KMO: variants seen among roughly 807,000 people sequenced by gnomAD.
The protein encoded by KMO is kynurenine 3-hydroxylase.
A neutral mutation model predicts 57.8 loss-of-function variants in KMO; 24 were observed. The ratio of observed to expected loss-of-function variants is 0.42; its 90% CI spans 0.30 to 0.58. The LOEUF (loss-of-function observed/expected upper bound fraction) is 0.58, where lower values mean the gene tolerates loss of function less well. KMO is among the 20% of genes least tolerant of loss of function. KMO has a pLI of 0.22. For synonymous variants in KMO, 210 were observed against 193.6 expected, an observed-to-expected ratio of 1.08 and a Z score of -0.70; for missense variants, 483 against 588.2, an observed-to-expected ratio of 0.82 and a Z score of 1.85.
intron 1 of KMO, among the ~76,000 whole-genome samples, chr1:241,540,507 T>C (rs577320209): frequency 6.6e-6 from 1 of 152,172 alleles, no homozygotes; most frequent in South Asian, 2.1e-4. Flanking sequence ...CAGGGAAGGA[T>C]AGTATTCAAA....
chr1:241,580,197 C>T (rs571191291), intron 10 of KMO, among the ~76,000 whole-genome samples: 41 of 152,106 alleles, frequency 2.7e-4, no homozygotes, highest in Non-Finnish European at 5.0e-4. Flanking sequence ...GGTTTCCTTC[C>T]GTTTTCCTGT....
chr1:241,547,262 TAATAA>T (rs1179589740), intron 1 of KMO, among the ~76,000 whole-genome samples: 2 of 152,252 alleles, frequency 1.3e-5, no homozygotes, highest in Non-Finnish European at 2.9e-5. Flanking sequence ...ATTGCATTAA[TAATAA>T]AATAAAAGAT....
At chr1:241,562,835 T>C (rs1661904999) in intron 7 of KMO, among the ~76,000 whole-genome samples, 1 of 144,662 alleles carries the variant, frequency 6.9e-6, no homozygotes, top group Non-Finnish European at 1.5e-5. Flanking sequence ...CCCAATCCTG[T>C]CTTGAAAGAA....
At chr1:241,532,616 T>G in intron 1 of KMO, 118 bp downstream of exon 1, 1 of 711,982 alleles carries the variant, frequency 1.4e-6, no homozygotes, top group Non-Finnish European at 2.4e-6. Flanking sequence ...AACTCTGATA[T>G]TTAAATACAG....
chr1:241,573,103 T>C (rs1662365994), intron 10 of KMO, among the ~76,000 whole-genome samples: 1 of 152,104 alleles, frequency 6.6e-6, no homozygotes, highest in South Asian at 2.1e-4. Flanking sequence ...AATATACACA[T>C]GCAAGTGTCT....
chr1:241,549,310 GA>G (rs1293844253), intron 2 of KMO, among the ~76,000 whole-genome samples: 6 of 142,798 alleles, frequency 4.2e-5, no homozygotes, highest in South Asian at 2.2e-4. Flanking sequence ...AAGAAAGAAA[GA>G]GAGAAAGAGC....
rs1662659512 is a variant in KMO at position 241,579,223 on chromosome 1, G to A, written c.958-7456G>A. On this transcript the variant is annotated intron_variant, in intron 10 of 14. Coordinates refer to ENST00000366559, the MANE Select transcript of KMO (RefSeq NM_003679.5). ...TGGCTTCTGCCAGGTGGTTGTACTT[G>A]CAAAAGAGCACCAGGTTTGGTGGTA... Among the ~76,000 whole-genome samples, 6 of 152,238 alleles carry A rather than the reference G, an allele frequency of 3.9e-5. No individual in the cohort carries two copies. The South Asian group carries it at 1.2e-3, about 32-fold the overall frequency.
At position 241,568,536 on chromosome 1, in the gene KMO, C is replaced by A. The variant is rs1662162162; in HGVS notation, c.846C>A (p.Ala282=). The change falls in exon 10 of 15, where the codon GCC becomes GCA. Residue 282 remains alanine (A), a synonymous_variant. Transcript: ENST00000366559. ...LLVQDFFLLP[A]QPMISVKCSS... is the part of the protein sequence containing the mutation. ...TGCAAGATTTCTTCCTGTTGCCTGCCCAGCCCATGATATCTGTAAAGTGCT... is the reference window on the plus strand; with the variant it reads ...TGCAAGATTTCTTCCTGTTGCCTGCACAGCCCATGATATCTGTAAAGTGCT... 1.9e-6 allele frequency: 3 copies of A among 1,613,678 alleles called. No individual in the cohort carries two copies. The highest frequency in any genetic ancestry group is 2.5e-6 in the Non-Finnish European group (3 of 1,179,710).
rs2147950340 is a variant in KMO, at chr1:241,550,894, AT to A, written c.223-60del. On this transcript the variant is annotated intron_variant, in intron 3 of 14. Coordinates refer to ENST00000366559, the MANE Select transcript of KMO (RefSeq NM_003679.5). The stretch of plus-strand genomic sequence containing the variant: ...AAATTACATTTAAAAATCAACTTCT[AT>A]CTTTCTTGCATAATGCCATGTTACT... The A allele has an allele frequency of 5.3e-6, 4 of 760,010 alleles. No homozygotes were observed. The East Asian group carries it at 1.2e-4, about 23-fold the overall frequency. The allele number at this position is 760,010 out of a possible 1,614,324, so 47.1% of individuals were successfully genotyped here. A position where few individuals can be genotyped will look rare whatever the true frequency, so the allele number is the denominator to read the frequency against.
At chr1:241,582,279 A>G (rs528698427) in intron 10 of KMO, among the ~76,000 whole-genome samples, 4 of 152,066 alleles carry the variant, frequency 2.6e-5, no homozygotes, top group East Asian at 1.9e-4. Context: ...GTGTTTTATG[A>G]TCTTCTTGTA....
chr1:241,549,883 G>A (rs1185552435), intron 3 of KMO, 109 bp downstream of exon 3: 1 of 734,348 alleles, frequency 1.4e-6, no homozygotes, highest in African/African-American at 1.8e-5. Context: ...AAGAATCTCT[G>A]CATGAAAACT....
In KMO at chr1:241,539,039, T is replaced by C. The variant is rs938602023; in HGVS notation, c.54+6541T>C. 7.2e-5 allele frequency among the ~76,000 whole-genome samples: 11 copies of C among 152,276 alleles called. No homozygotes were observed. In the East Asian group the frequency reaches 1.5e-3, roughly 21 times the overall value. ...TGTTGATGGTAATCTAAGCCGGTAT[T>C]TTTTTCCTGGAAAACAACTTGAAAA... On this transcript the variant is annotated intron_variant, in intron 1 of 14. Transcript: ENST00000366559.
intron 10 of KMO, among the ~76,000 whole-genome samples, chr1:241,579,535 C>T (rs771701696): frequency 5.9e-5 from 9 of 152,150 alleles, no homozygotes; most frequent in East Asian, 1.9e-4. Context: ...GAGTAGCAGG[C>T]GGCAGTAAGC....
intron 1 of KMO, among the ~76,000 whole-genome samples, chr1:241,541,012 G>A (rs1478573195): frequency 6.6e-6 from 1 of 152,186 alleles, no homozygotes; most frequent in Non-Finnish European, 1.5e-5. Context: ...AGTGAACTAT[G>A]ATCTCAGCCT....
chr1:241,564,453 C>T (rs72766100), intron 7 of KMO, among the ~76,000 whole-genome samples: 32,174 of 151,694 alleles, frequency 0.21, 3,488 homozygotes, highest in Middle Eastern at 0.26. Flanking sequence ...AGGAAACAAA[C>T]GATAAGAAGC....
In KMO at chr1:241,543,187, A is replaced by T. The variant is rs150481735; in HGVS notation, c.55-5642A>T. ...CACAAGAAGTGACAGAGTGCCAGTG[A>T]CTTCATCAACTCTGTACTCGTCCCC... is the stretch of plus-strand genomic sequence containing the variant. On this transcript the variant is annotated intron_variant, in intron 1 of 14. Coordinates refer to ENST00000366559, the MANE Select transcript of KMO (RefSeq NM_003679.5). Among the ~76,000 whole-genome samples, 559 of 152,244 alleles carry T rather than the reference A, an allele frequency of 3.7e-3. 7 individuals are homozygous for T. The highest frequency in any genetic ancestry group is 0.013 in the African/African-American group (538 of 41,542).
chr1:241,549,350 A>T (rs995774277), intron 2 of KMO, among the ~76,000 whole-genome samples: 1 of 151,404 alleles, frequency 6.6e-6, no homozygotes, highest in Admixed American at 6.6e-5. Context: ...GAAAGAAAGA[A>T]AGATAGAAGG....
intron 1 of KMO, among the ~76,000 whole-genome samples, chr1:241,543,852 A>G (rs1348124407): frequency 1.3e-5 from 2 of 152,172 alleles, no homozygotes; most frequent in African/African-American, 4.8e-5. Flanking sequence ...CAAACACGTA[A>G]GCGTTGGAAA....
chr1:241,553,227 G>C (rs1248458009), intron 4 of KMO, among the ~76,000 whole-genome samples: 1 of 152,152 alleles, frequency 6.6e-6, no homozygotes, highest in Admixed American at 6.5e-5. Flanking sequence ...TATTGGAGAA[G>C]TAAGACTTGA....
Sources: gnomAD v4.1 joint callset for allele counts (sites outside exome capture counted in the v4.1 genomes callset) on GRCh38, gnomAD v4.1.1 for gene constraint, MANE v1.5 for transcripts, NCBI Gene and HGNC (gene_info 2026-07-23, HGNC 2026-07-21) for gene names.